The following C2orf66 variants were observed in gnomAD, a reference collection of about 807,000 sequenced individuals.
The protein encoded by C2orf66 is chromosome 2 open reading frame 66, also known as uncharacterized protein C2orf66.
C2orf66 carries 6 observed loss-of-function variants against 7.0 expected under a neutral mutation model. That is an observed-to-expected ratio of 0.86 (90% CI 0.47 to 1.69). The LOEUF (loss-of-function observed/expected upper bound fraction) is 1.69, where lower values mean the gene tolerates loss of function less well. Ranked by LOEUF, C2orf66 falls within the 40% of genes most tolerant of loss-of-function variation. C2orf66 has a pLI of 0.01. For synonymous variants in C2orf66, 38 were observed against 43.8 expected (o/e 0.87, Z 0.52); for missense variants, 107 against 112.0 (o/e 0.96, Z 0.20).
the C2orf66 span, among the ~76,000 whole-genome samples, chr2:196,815,853 G>A: frequency 1.3e-5 from 2 of 152,088 alleles, no homozygotes; most frequent in African/African-American, 2.4e-5. Context: ...CTCGTTAGCT[G>A]TATCATGAAT....
intron 1 of C2orf66, among the ~76,000 whole-genome samples, chr2:196,808,311 C>T (rs7580839): frequency 0.27 from 40,882 of 151,994 alleles, 6,565 homozygotes; most frequent in African/African-American, 0.45. Flanking sequence ...TTAATGCAAA[C>T]AGAAGGGAGT....
the C2orf66 span, among the ~76,000 whole-genome samples, chr2:196,829,698 C>T: frequency 9.9e-5 from 15 of 151,832 alleles, 1 homozygote; most frequent in Admixed American, 4.6e-4. Context: ...GAGATAAAGA[C>T]CATCCTGGCT....
upstream of C2orf66, chr2:196,809,537 T>C (rs1699853661): frequency 3.2e-6 from 2 of 627,640 alleles, no homozygotes; most frequent in Admixed American, 5.8e-5. Context: ...ATGCAACTGA[T>C]TAGCTTAAAG....
At chr2:196,811,200 T>C (rs1699871917), upstream of C2orf66, among the ~76,000 whole-genome samples, 1 of 152,150 alleles carries the variant, frequency 6.6e-6, no homozygotes, top group Non-Finnish European at 1.5e-5. Flanking sequence ...TGACGCAAGA[T>C]GGGGCCGGAG....
chr2:196,820,341 A>G, the C2orf66 span, among the ~76,000 whole-genome samples: 1 of 152,224 alleles, frequency 6.6e-6, no homozygotes, highest in Non-Finnish European at 1.5e-5. Flanking sequence ...CTAAAGGCCC[A>G]TACGTCATAG....
At chr2:196,808,714 C>A (rs1699841037) in intron 1 of C2orf66, among the ~76,000 whole-genome samples, 1 of 152,042 alleles carries the variant, frequency 6.6e-6, no homozygotes, top group South Asian at 2.1e-4. Flanking sequence ...GTTTACTGAT[C>A]TTTTGAATTC....
chr2:196,818,245 C>T, the C2orf66 span, among the ~76,000 whole-genome samples: 1 of 152,138 alleles, frequency 6.6e-6, no homozygotes, highest in African/African-American at 2.4e-5. Flanking sequence ...CTAGGTTGGC[C>T]ATGCTTCCTC....
chr2:196,811,664 G>T (rs912484409), upstream of C2orf66, among the ~76,000 whole-genome samples: 3 of 152,172 alleles, frequency 2.0e-5, no homozygotes, highest in African/African-American at 7.2e-5. Context: ...GAGGCTTTGA[G>T]ATTTCCTCGT....
At chr2:196,819,701 G>A in the C2orf66 span, among the ~76,000 whole-genome samples, 2 of 152,280 alleles carry the variant, frequency 1.3e-5, no homozygotes, top group Admixed American at 1.3e-4. Context: ...TCAGAGGTTG[G>A]TATAATGCCT....
At chr2:196,828,226 T>C in the C2orf66 span, among the ~76,000 whole-genome samples, 4 of 132,668 alleles carry the variant, frequency 3.0e-5, no homozygotes, top group Non-Finnish European at 6.2e-5. Context: ...TCTCTCTCTC[T>C]CTCTCACACA....
chr2:196,819,403 C>T, the C2orf66 span, among the ~76,000 whole-genome samples: 4 of 152,102 alleles, frequency 2.6e-5, no homozygotes, highest in African/African-American at 4.8e-5. Context: ...TTTTCTGCCA[C>T]GTAAGGATAC....
At chr2:196,824,836 G>A in the C2orf66 span, among the ~76,000 whole-genome samples, 1 of 152,176 alleles carries the variant, frequency 6.6e-6, no homozygotes, top group Non-Finnish European at 1.5e-5. Context: ...ACAACCTACA[G>A]AATGGGAGAA....
intron 2 of C2orf66, among the ~76,000 whole-genome samples, chr2:196,806,141 A>G (rs1307473327): frequency 1.3e-5 from 2 of 152,324 alleles, no homozygotes; most frequent in Non-Finnish European, 2.9e-5. Flanking sequence ...TTTATTATTC[A>G]GCTAAACAAA....
chr2:196,815,033 C>T, the C2orf66 span, among the ~76,000 whole-genome samples: 1 of 152,162 alleles, frequency 6.6e-6, no homozygotes, highest in Non-Finnish European at 1.5e-5. Context: ...GGTACAATCA[C>T]AGCTCACTGC....
the C2orf66 span, chr2:196,832,012 A>C: frequency 6.6e-6 from 1 of 152,070 alleles, no homozygotes; most frequent in African/African-American, 2.4e-5. Context: ...TTGAAAATGG[A>C]CCATTTAAAA....
At chr2:196,824,364 A>T in the C2orf66 span, among the ~76,000 whole-genome samples, 2 of 152,182 alleles carry the variant, frequency 1.3e-5, no homozygotes, top group Non-Finnish European at 2.9e-5. Context: ...CTGAAAGGAC[A>T]AAGTATGCAT....
chr2:196,809,529 G>A (rs1699853600), upstream of C2orf66: 1 of 659,880 alleles, frequency 1.5e-6, no homozygotes, highest in Admixed American at 2.9e-5. Context: ...ACCCCAAAAT[G>A]CAACTGATTA....
At chr2:196,822,633 A>T in the C2orf66 span, among the ~76,000 whole-genome samples, 1 of 150,248 alleles carries the variant, frequency 6.7e-6, no homozygotes, top group Non-Finnish European at 1.5e-5. Flanking sequence ...AGCATATTGC[A>T]TTTTTTTTTC....
upstream of C2orf66, chr2:196,809,390 A>G: frequency 6.2e-7 from 1 of 1,608,810 alleles, no homozygotes; most frequent in South Asian, 1.1e-5. Context: ...ATGATCATTG[A>G]GAGAGATAGT....
Sources: allele counts gnomAD v4.1 joint callset (sites outside exome capture counted in the v4.1 genomes callset), GRCh38; gene constraint gnomAD v4.1.1; transcripts MANE v1.5; gene names NCBI Gene and HGNC (gene_info 2026-07-23, HGNC 2026-07-21).